DNAH6: variants seen among roughly 807,000 people sequenced by gnomAD.
DNAH6 encodes dynein axonemal heavy chain 6, also known as axonemal beta dynein heavy chain 6.
In DNAH6, 340 loss-of-function variants were observed where a neutral mutation model predicts 491.4. That is an observed-to-expected ratio of 0.69 (90% CI 0.63 to 0.76). The LOEUF is 0.76. Among genes scored for constraint, DNAH6 ranks in the 30% least tolerant of loss-of-function variants. The probability of loss-of-function intolerance (pLI) is 0.00; values close to 1 mark genes in which losing one functional copy is unlikely to be tolerated. For synonymous variants in DNAH6, 1,603 were observed against 1,686.1 expected (o/e 0.95, Z 1.21); for missense variants, 4,443 against 4,972.2 (o/e 0.89, Z 3.20).
rs4240196 is a variant in DNAH6, at chr2:84,607,280, T to C, written c.3294+185T>C. Among the ~76,000 whole-genome samples the C allele has an allele frequency of 0.82, 124,559 of 151,840 alleles. 53,211 individuals carry two copies. The highest frequency in any genetic ancestry group is 0.99 in the East Asian group (5,107 of 5,180). On this transcript the variant is annotated intron_variant, in intron 21 of 76. Coordinates refer to ENST00000389394, the MANE Select transcript of DNAH6 (RefSeq NM_001370.2). ...TATTAAGCTCTTCTTTATATAATTA[T>C]ACAGCTTAATGCTATTACCATCACC...
intron 41 of DNAH6, among the ~76,000 whole-genome samples, chr2:84,678,085 AC>A (rs1218041546): frequency 6.6e-6 from 1 of 152,172 alleles, no homozygotes; most frequent in Non-Finnish European, 1.5e-5. Flanking sequence ...CATGTATACA[AC>A]CTTCAGTACA....
At chr2:84,784,958 T>C (rs868329337) in intron 66 of DNAH6, 148 bp downstream of exon 66, 4 of 615,710 alleles carry the variant, frequency 6.5e-6, no homozygotes, top group Middle Eastern at 2.6e-4. Flanking sequence ...TTTTCACCTA[T>C]AACAAGCAGA....
intron 3 of DNAH6, among the ~76,000 whole-genome samples, chr2:84,527,154 A>G (rs1676679070): frequency 6.6e-6 from 1 of 152,282 alleles, no homozygotes; most frequent in South Asian, 2.1e-4. Context: ...TGGGAGGTAA[A>G]GGAAGGCAGG....
chr2:84,700,161 A>T (rs774242435), intron 48 of DNAH6, among the ~76,000 whole-genome samples: 5 of 152,192 alleles, frequency 3.3e-5, no homozygotes, highest in Non-Finnish European at 5.9e-5. Flanking sequence ...ATGTGTGCTG[A>T]TGTAAATGAT....
chr2:84,715,656 A>G, intron 58 of DNAH6, 29 bp downstream of exon 58: 1 of 1,541,898 alleles, frequency 6.5e-7, no homozygotes, highest in South Asian at 1.2e-5. Flanking sequence ...GAGGGGAGGG[A>G]AGGGGGTATT....
intron 51 of DNAH6, among the ~76,000 whole-genome samples, chr2:84,705,044 G>C (rs1161415170): frequency 6.6e-6 from 1 of 152,098 alleles, no homozygotes; most frequent in African/African-American, 2.4e-5. Context: ...TATCTAATCA[G>C]ATTTTCATGG....
At chr2:84,786,278 T>C (rs1241584816) in intron 67 of DNAH6, among the ~76,000 whole-genome samples, 1 of 151,830 alleles carries the variant, frequency 6.6e-6, no homozygotes, top group Non-Finnish European at 1.5e-5. Context: ...TTTTAAAAAA[T>C]AGCCAGGCAT....
chr2:84,587,423 C>T (rs948409106), intron 15 of DNAH6, among the ~76,000 whole-genome samples: 2 of 152,162 alleles, frequency 1.3e-5, no homozygotes, highest in Non-Finnish European at 2.9e-5. Flanking sequence ...TATCTGCATG[C>T]AAATCATGCA....
the DNAH6 span, among the ~76,000 whole-genome samples, chr2:84,499,767 G>T: frequency 6.6e-6 from 1 of 152,128 alleles, no homozygotes; most frequent in Non-Finnish European, 1.5e-5. Context: ...TAGTAGTTTT[G>T]ATTTACATTG....
At chr2:84,616,139 TGAATA>T (rs2104370519) in intron 22 of DNAH6, among the ~76,000 whole-genome samples, 1 of 152,238 alleles carries the variant, frequency 6.6e-6, no homozygotes, top group East Asian at 1.9e-4. Context: ...TCTGTGCTGA[TGAATA>T]GAATGTATAT....
chr2:84,486,535 GC>G, the DNAH6 span, among the ~76,000 whole-genome samples: 67 of 152,312 alleles, frequency 4.4e-4, no homozygotes, highest in African/African-American at 1.5e-3. Flanking sequence ...CACTGTGATT[GC>G]CCAAGGCCTT....
chr2:84,779,860 C>G (rs1260955520), intron 64 of DNAH6, among the ~76,000 whole-genome samples: 1 of 152,094 alleles, frequency 6.6e-6, no homozygotes, highest in Non-Finnish European at 1.5e-5. Flanking sequence ...AATTGCTTAT[C>G]TGGAAAAGCT....
chr2:84,797,556 G>T lies in DNAH6; in HGVS notation c.11379G>T (p.Met3793Ile). 1.3e-6 allele frequency: 2 copies of T among 1,551,826 alleles called. No homozygotes were observed. The highest frequency in any genetic ancestry group is 1.7e-4 in the Middle Eastern group (1 of 5,990). The stretch of plus-strand genomic sequence containing the variant: ...TAACAGGCATCTATTTTGCACCCAT[G>T]GCTGACAGCCTACAAGAGTTTAAGG... ...YSESGIYFAP[M>I]ADSLQEFKDY... is the part of the protein sequence containing the mutation. Residue 3793 changes from methionine to isoleucine, a missense_variant, in exon 70 of 77, where the codon ATG (methionine) becomes ATT (isoleucine). Physicochemically the swap from Met to Ile is conservative, Grantham distance 10 (BLOSUM62 1). Coordinates refer to ENST00000389394, the MANE Select transcript of DNAH6 (RefSeq NM_001370.2).
intron 29 of DNAH6, among the ~76,000 whole-genome samples, chr2:84,630,167 A>T (rs1384351464): frequency 6.6e-6 from 1 of 152,142 alleles, no homozygotes; most frequent in Non-Finnish European, 1.5e-5. Flanking sequence ...GAATAATCAC[A>T]ACTAATAAAT....
intron 62 of DNAH6, among the ~76,000 whole-genome samples, chr2:84,739,009 T>C (rs1489851446): frequency 6.6e-6 from 1 of 152,196 alleles, no homozygotes; most frequent in East Asian, 1.9e-4. Flanking sequence ...CCCTTAAGCA[T>C]GCATTGTAGG....
intron 61 of DNAH6, among the ~76,000 whole-genome samples, chr2:84,731,587 G>A (rs1461729781): frequency 6.6e-6 from 1 of 152,226 alleles, no homozygotes; most frequent in Non-Finnish European, 1.5e-5. Context: ...CTGAGTGGGA[G>A]AAGCAACCTA....
rs1034682814 is a variant in DNAH6, at chr2:84,561,402, A to G, written c.1803+3467A>G. Among the ~76,000 whole-genome samples the G allele has an allele frequency of 8.8e-4, 134 of 152,246 alleles. 2 individuals carry two copies. In the Middle Eastern group the frequency reaches 0.01, roughly 12 times the overall value. ...AAAAATTAATTCAAGATGGATTAAA[A>G]ACTTAAACGTTAGACCTAAAACCAT... On this transcript the variant is annotated intron_variant, in intron 11 of 76. Coordinates refer to ENST00000389394, the MANE Select transcript of DNAH6 (RefSeq NM_001370.2).
chr2:84,528,928 T>C lies in DNAH6; in HGVS notation c.424T>C (p.Phe142Leu). 2.6e-6 allele frequency: 4 copies of C among 1,550,782 alleles called. No homozygotes were observed. Among genetic ancestry groups the C allele is most frequent in the Non-Finnish European group, 3.5e-6 (4 of 1,146,508 alleles). The change falls in exon 4 of 77, where the codon TTC (phenylalanine) becomes CTC (leucine). Residue 142 changes from phenylalanine (F) to leucine (L), a missense_variant. Transcript: ENST00000389394. Reference sequence around the variant, plus strand: ...GATTCATCGGCCCTATGTTGAGGTGTTCTCTCCCTCTCCTCCTAAACTGCC... The same window carrying C: ...GATTCATCGGCCCTATGTTGAGGTGCTCTCTCCCTCTCCTCCTAAACTGCC... ...MQIHRPYVEV[F>L]SPSPPKLPHT...
intron 63 of DNAH6, among the ~76,000 whole-genome samples, chr2:84,756,490 T>C (rs1471101463): frequency 6.6e-6 from 1 of 152,234 alleles, no homozygotes; most frequent in Non-Finnish European, 1.5e-5. Context: ...TTGAGTATGA[T>C]GCTAAGAAGT....
Sources: allele counts gnomAD v4.1 joint callset (sites outside exome capture counted in the v4.1 genomes callset), GRCh38; gene constraint gnomAD v4.1.1; transcripts MANE v1.5; gene names NCBI Gene and HGNC (gene_info 2026-07-23, HGNC 2026-07-21).